ZC3H11A: variants seen among roughly 807,000 people sequenced by gnomAD.
The protein encoded by ZC3H11A is zinc finger CCCH domain-containing protein 11A.
A neutral mutation model predicts 90.8 loss-of-function variants in ZC3H11A; 22 were observed. That is an observed-to-expected ratio of 0.24 (90% CI 0.17 to 0.35). The LOEUF (loss-of-function observed/expected upper bound fraction) is 0.35, where lower values mean the gene tolerates loss of function less well. ZC3H11A is among the 10% of genes least tolerant of loss of function. The pLI is 1.00. For synonymous variants in ZC3H11A, 294 were observed against 339.8 expected, an observed-to-expected ratio of 0.87 and a Z score of 1.48; for missense variants, 701 against 964.9, an observed-to-expected ratio of 0.73 and a Z score of 3.62.
rs148639881 is a variant in ZC3H11A, at chr1:203,822,722, A to G, written c.174+4033A>G. The stretch of plus-strand genomic sequence containing the variant: ...CTTGTCAGGGTACCCTTTCATGCAC[A>G]TGTCCTCTTAACCCTCCAACCCTCC... On this transcript the variant is annotated intron_variant, in intron 4 of 17. Coordinates refer to ENST00000367210, the MANE Select transcript of ZC3H11A (RefSeq NM_001376342.1). 2.4e-3 allele frequency among the ~76,000 whole-genome samples: 359 copies of G among 152,240 alleles called. 2 individuals are homozygous for G. The highest frequency in any genetic ancestry group is 4.5e-3 in the Non-Finnish European group (306 of 68,018).
chr1:203,848,280 G>T lies in ZC3H11A; in HGVS notation c.1547-51G>T, dbSNP rs376459558. 7.2e-4 allele frequency: 1,050 copies of T among 1,454,180 alleles called. 8 individuals carry two copies. The African/African-American group carries it at 0.013, about 19-fold the overall frequency. 90.1% of individuals were successfully genotyped at this position (1,454,180 alleles called of 1,614,324 possible). A position where few individuals can be genotyped will look rare whatever the true frequency, so the allele number is the denominator to read the frequency against. Reference sequence around the variant, plus strand: ...AAGTTTTGTTTAACATATCTATCATGAAGTTGCAGCTTAAATAAAATAACT... The same window carrying T: ...AAGTTTTGTTTAACATATCTATCATTAAGTTGCAGCTTAAATAAAATAACT... On this transcript the variant is annotated intron_variant, in intron 13 of 17. Coordinates refer to ENST00000367210, the MANE Select transcript of ZC3H11A (RefSeq NM_001376342.1).
intron 4 of ZC3H11A, among the ~76,000 whole-genome samples, chr1:203,825,171 G>A (rs1471060003): frequency 6.6e-6 from 1 of 151,498 alleles, no homozygotes; most frequent in Non-Finnish European, 1.5e-5. Flanking sequence ...ATTAATGAAT[G>A]AACAATATTA....
At chr1:203,806,175 G>T in intron 2 of ZC3H11A, 2 of 489,764 alleles carry the variant, frequency 4.1e-6, no homozygotes, top group Admixed American at 2.3e-5. Context: ...TCTTGTCAGT[G>T]GATTCTGCCC....
chr1:203,798,149 T>C, intron 1 of ZC3H11A: 7 of 1,536,152 alleles, frequency 4.6e-6, no homozygotes, highest in Non-Finnish European at 4.4e-6. Flanking sequence ...CTCCCTCTTC[T>C]GGAAGCAATG....
intron 2 of ZC3H11A, among the ~76,000 whole-genome samples, chr1:203,813,071 C>T (rs1265149903): frequency 6.6e-6 from 1 of 152,054 alleles, no homozygotes; most frequent in Non-Finnish European, 1.5e-5. Flanking sequence ...GTATATCAGA[C>T]CTTATCAGTT....
intron 2 of ZC3H11A, 71 bp downstream of exon 2, chr1:203,803,087 T>C (rs944430512): frequency 6.6e-6 from 1 of 152,528 alleles, no homozygotes; most frequent in African/African-American, 2.4e-5. Context: ...ATAATTTTCA[T>C]GGATCAGTAA....
chr1:203,833,807 T>G lies in ZC3H11A; in HGVS notation c.828T>G (p.Val276=). The change falls in exon 10 of 18, where the codon GTT becomes GTG. Residue 276 remains valine (V), a synonymous_variant. Transcript: ENST00000367210. ...LSTKQGEEPL[V]RLSLTERLGK... is the part of the protein sequence containing the mutation. ...CCATTTCAGGAGAAGAACCCTTGGT[T>G]AGATTGAGTCTTACTGAGAGACTGG... is the stretch of plus-strand genomic sequence containing the variant. 1 of 1,608,590 alleles carries G rather than the reference T, an allele frequency of 6.2e-7. No homozygotes were observed. The highest frequency in any genetic ancestry group is 1.3e-5 in the African/African-American group (1 of 74,754).
At position 203,849,929 on chromosome 1, in the gene ZC3H11A, A is replaced by G. The variant is rs765125483; in HGVS notation, c.1842A>G (p.Thr614=). The G allele has an allele frequency of 3.8e-5, 62 of 1,614,016 alleles. No individual in the cohort carries two copies. Among genetic ancestry groups the G allele is most frequent in the Non-Finnish European group, 5.1e-5 (60 of 1,180,022 alleles). The part of the protein sequence containing the change: ...ITRHLTKRLP[T]KSSQKVEVET... ...GGCACCTGACCAAGCGGCTTCCCAC[A>G]AAGTCATCCCAGAAGGTGGAGGTAG... The change falls in exon 15 of 18, where the codon ACA becomes ACG. Residue 614 remains threonine (T), a synonymous_variant. Coordinates refer to ENST00000367210, the MANE Select transcript of ZC3H11A (RefSeq NM_001376342.1).
At chr1:203,844,108 T>G (rs183329507) in intron 12 of ZC3H11A, among the ~76,000 whole-genome samples, 2 of 152,294 alleles carry the variant, frequency 1.3e-5, no homozygotes, top group Non-Finnish European at 2.9e-5. Context: ...CTGCCCACTT[T>G]GGCCTCCCAA....
intron 3 of ZC3H11A, 47 bp from the exon 4 acceptor site, chr1:203,818,523 G>C (rs1477736851): frequency 1.2e-6 from 2 of 1,611,396 alleles, no homozygotes; most frequent in Non-Finnish European, 1.7e-6. Context: ...ATTTTACCTA[G>C]GATGTATTTC....
At chr1:203,818,884 G>A (rs981865433) in intron 4 of ZC3H11A, among the ~76,000 whole-genome samples, 195 bp downstream of exon 4, 4 of 151,812 alleles carry the variant, frequency 2.6e-5, no homozygotes, top group African/African-American at 9.7e-5. Flanking sequence ...CCTAGCCAAC[G>A]TGGTGAAACC....
At chr1:203,820,043 T>TTCGA (rs1677989712) in intron 4 of ZC3H11A, among the ~76,000 whole-genome samples, 1 of 150,440 alleles carries the variant, frequency 6.6e-6, no homozygotes, top group East Asian at 2.0e-4. Context: ...GAGACCAGCC[T>TTCGA]GACCAACATG....
chr1:203,806,697 C>T (rs1305101747), intron 2 of ZC3H11A, among the ~76,000 whole-genome samples: 2 of 152,058 alleles, frequency 1.3e-5, no homozygotes, highest in African/African-American at 4.8e-5. Context: ...TTTCGCTTAT[C>T]TTGAGTTAGT....
chr1:203,850,391 CTT>C, intron 15 of ZC3H11A, 122 bp from the exon 16 acceptor site: 2 of 1,440,568 alleles, frequency 1.4e-6, no homozygotes, highest in Non-Finnish European at 1.9e-6. Context: ...TTTTCAGTCT[CTT>C]TTTAAATGAA....
At position 203,848,411 on chromosome 1, in the gene ZC3H11A, A is replaced by G. The variant is rs1688450832; in HGVS notation, c.1623+4A>G. The G allele has an allele frequency of 6.2e-7, 1 of 1,602,794 alleles. No individual in the cohort carries two copies. The highest frequency in any genetic ancestry group is 1.1e-5 in the South Asian group (1 of 88,486). ...TATTAGAACAGAAGCTAAAGAGGTA[A>G]ATTTAAGATTATTGTATGGTTTTGT... On this transcript the variant is annotated splice_donor_region_variant and intron_variant, in intron 14 of 17. Transcript: ENST00000367210.
intron 2 of ZC3H11A, among the ~76,000 whole-genome samples, chr1:203,816,327 T>C (rs1676364512): frequency 6.6e-6 from 1 of 152,182 alleles, no homozygotes; most frequent in Admixed American, 6.5e-5. Flanking sequence ...TATACATATA[T>C]GTATAATGTA....
chr1:203,823,998 G>A (rs931992966), intron 4 of ZC3H11A, among the ~76,000 whole-genome samples: 4 of 152,160 alleles, frequency 2.6e-5, no homozygotes, highest in East Asian at 3.8e-4. Context: ...GCCGGGCGCC[G>A]TGGCTCATGC....
intron 4 of ZC3H11A, among the ~76,000 whole-genome samples, chr1:203,820,040 GCC>G (rs1677986576): frequency 6.6e-6 from 1 of 151,420 alleles, no homozygotes; most frequent in East Asian, 2.0e-4. Context: ...TTCGAGACCA[GCC>G]TGACCAACAT....
intron 4 of ZC3H11A, among the ~76,000 whole-genome samples, chr1:203,821,894 A>G (rs2102882158): frequency 6.6e-6 from 1 of 151,774 alleles, no homozygotes. Context: ...AGTAGCTGGG[A>G]TTACAGGTGC....
Sources: gnomAD v4.1 joint callset for allele counts (sites outside exome capture counted in the v4.1 genomes callset) on GRCh38, gnomAD v4.1.1 for gene constraint, MANE v1.5 for transcripts, NCBI Gene and HGNC (gene_info 2026-07-23, HGNC 2026-07-21) for gene names.